Variants in MTARC1 observed in about 807,000 individuals in gnomAD.
MTARC1 encodes mitochondrial amidoxime-reducing component 1.
In MTARC1, 24 loss-of-function variants were observed where a neutral mutation model predicts 33.6. The observed-to-expected ratio is 0.72, with a 90% CI of 0.52 to 1.01. MTARC1 has a LOEUF of 1.01. Ranked by LOEUF, MTARC1 falls within the 50% of genes least tolerant of loss-of-function variation. The pLI, the probability that MTARC1 is intolerant of heterozygous loss-of-function variation, is 0.00. For synonymous variants in MTARC1, 187 were observed against 189.5 expected (o/e 0.99, Z 0.11); for missense variants, 417 against 445.7 (o/e 0.94, Z 0.58).
At chr1:220,810,400 C>T (rs1207346309) in intron 6 of MTARC1, among the ~76,000 whole-genome samples, 1 of 152,156 alleles carries the variant, frequency 6.6e-6, no homozygotes, top group Admixed American at 6.5e-5. Context: ...GTGCAGGAGG[C>T]GGTGAGAGCC....
rs1672675617 is a variant in MTARC1 at position 220,797,983 on chromosome 1, T to C, written c.722T>C (p.Ile241Thr). ...AAAGCAACCAACTTCAGGCCCAATATTGTAATTTCAGGATGCGATGTCTAT... is the reference window on the plus strand; with the variant it reads ...AAAGCAACCAACTTCAGGCCCAATACTGTAATTTCAGGATGCGATGTCTAT... ...KVKATNFRPN[I>T]VISGCDVYAE... Residue 241 changes from isoleucine to threonine, a missense_variant, in exon 4 of 7, where the codon ATT (isoleucine) becomes ACT (threonine). By Grantham distance (89) the Ile-to-Thr change is moderately conservative. Coordinates refer to ENST00000366910, the MANE Select transcript of MTARC1 (RefSeq NM_022746.4). 1 of 1,614,200 alleles carries C rather than the reference T, an allele frequency of 6.2e-7. No individual in the cohort carries two copies. The highest frequency in any genetic ancestry group is 8.5e-7 in the Non-Finnish European group (1 of 1,180,024).
intron 4 of MTARC1, among the ~76,000 whole-genome samples, chr1:220,801,154 C>T (rs530196676): frequency 6.6e-6 from 1 of 152,314 alleles, no homozygotes; most frequent in South Asian, 2.1e-4. Flanking sequence ...ACATGACCTG[C>T]ACCCCGCCAG....
At chr1:220,810,102 A>G (rs1018721157) in intron 6 of MTARC1, among the ~76,000 whole-genome samples, 1 of 152,214 alleles carries the variant, frequency 6.6e-6, no homozygotes, top group Non-Finnish European at 1.5e-5. Flanking sequence ...GCTCATTAGA[A>G]TAGTTATGTT....
intron 4 of MTARC1, among the ~76,000 whole-genome samples, chr1:220,801,619 CAGGAG>C: frequency 6.6e-6 from 1 of 152,218 alleles, no homozygotes; most frequent in South Asian, 2.1e-4. Context: ...TGCTGGGGCT[CAGGAG>C]AGGAGGGGAG....
chr1:220,797,608 T>G (rs758292140), intron 3 of MTARC1, among the ~76,000 whole-genome samples: 10 of 152,262 alleles, frequency 6.6e-5, no homozygotes, highest in African/African-American at 2.4e-4. Flanking sequence ...GGTTCAGTGA[T>G]GTCCCCAAGG....
In MTARC1 at chr1:220,787,040, G is replaced by C; in HGVS notation, c.96G>C (p.Ala32=). The C allele has an allele frequency of 7.3e-7, 1 of 1,379,158 alleles. No homozygotes were observed. Among genetic ancestry groups the C allele is most frequent in the Non-Finnish European group, 9.3e-7 (1 of 1,074,718 alleles). The allele number at this position is 1,379,158 out of a possible 1,614,324, so 85.4% of individuals were successfully genotyped here. A position where few individuals can be genotyped will look rare whatever the true frequency, so the allele number is the denominator to read the frequency against. Residue 32 remains alanine (A), a synonymous_variant, in exon 1 of 7, where the codon GCG becomes GCC. Coordinates refer to ENST00000366910, the MANE Select transcript of MTARC1 (RefSeq NM_022746.4). ...WLGVAALGLT[A]VALGAVAWRR... is the part of the protein sequence containing the mutation. Reference sequence around the variant, plus strand: ...GGGTTGCCGCGCTGGGCCTGACCGCGGTGGCGCTGGGGGCTGTCGCCTGGC... The same window carrying C: ...GGGTTGCCGCGCTGGGCCTGACCGCCGTGGCGCTGGGGGCTGTCGCCTGGC...
rs148639894 is a variant in MTARC1 at position 220,810,318 on chromosome 1, C to A, written c.888-2974C>A. Among the ~76,000 whole-genome samples, 15 of 152,316 alleles carry A rather than the reference C, an allele frequency of 9.8e-5. 1 individual carries two copies. On this transcript the variant is annotated intron_variant, in intron 6 of 6. Transcript: ENST00000366910. ...TGCAATACCTCTTAGTGCCACAAGGCGCCGCTAGTGACCTCGTTGAGTCTT... is the reference window on the plus strand; with the variant it reads ...TGCAATACCTCTTAGTGCCACAAGGAGCCGCTAGTGACCTCGTTGAGTCTT...
At chr1:220,800,648 T>G (rs551592792) in intron 4 of MTARC1, among the ~76,000 whole-genome samples, 100 of 152,084 alleles carry the variant, frequency 6.6e-4, no homozygotes, top group African/African-American at 2.4e-3. Context: ...GACCCCTAAC[T>G]ATATCCTTCT....
intron 6 of MTARC1, among the ~76,000 whole-genome samples, chr1:220,806,775 C>T (rs1672985219): frequency 6.6e-6 from 1 of 152,162 alleles, no homozygotes; most frequent in South Asian, 2.1e-4. Context: ...GAGATAAGTC[C>T]CAGAGTGTGG....
intron 4 of MTARC1, among the ~76,000 whole-genome samples, chr1:220,802,506 AT>A (rs1169756782): frequency 3.3e-5 from 5 of 152,130 alleles, no homozygotes; most frequent in African/African-American, 1.2e-4. Context: ...TAGTTTTTGT[AT>A]TTTTAGTATA....
At chr1:220,808,875 A>C (rs1391604619) in intron 6 of MTARC1, 1 of 471,172 alleles carries the variant, frequency 2.1e-6, no homozygotes, top group Non-Finnish European at 4.4e-6. Context: ...TGACGTACAC[A>C]CTGATCCCCA....
Position 220,805,280 on chromosome 1 carries a change from A to C in MTARC1, c.887+6A>C. ...CCGCTGGAAACACTGAAGAGGTAGGACTGGGCAGACGGGGCTCATCCTCGG... is the reference window on the plus strand; with the variant it reads ...CCGCTGGAAACACTGAAGAGGTAGGCCTGGGCAGACGGGGCTCATCCTCGG... On this transcript the variant is annotated splice_donor_region_variant and intron_variant, in intron 6 of 6. Transcript: ENST00000366910. 1.2e-6 allele frequency: 2 copies of C among 1,612,602 alleles called. No individual in the cohort carries two copies. Among genetic ancestry groups the C allele is most frequent in the Non-Finnish European group, 1.7e-6 (2 of 1,180,000 alleles).
intron 2 of MTARC1, among the ~76,000 whole-genome samples, chr1:220,795,348 G>A (rs1023478352): frequency 1.3e-5 from 2 of 152,156 alleles, no homozygotes; most frequent in Non-Finnish European, 2.9e-5. Flanking sequence ...CTAGTCATTT[G>A]TGGAAATGGA....
rs140174257 is a variant in MTARC1, at chr1:220,810,123, T to G, written c.888-3169T>G. Among the ~76,000 whole-genome samples the G allele has an allele frequency of 3.2e-3, 482 of 152,274 alleles. 1 individual carries two copies. Among genetic ancestry groups the G allele is most frequent in the African/African-American group, 0.011 (462 of 41,546 alleles). On this transcript the variant is annotated intron_variant, in intron 6 of 6. Transcript: ENST00000366910. ...TAGAATAGTTATGTTTCATGTTCAT[T>G]TAAGGAGAAAGTGCACTAAGGAAGA... is the stretch of plus-strand genomic sequence containing the variant.
chr1:220,792,181 G>T (rs1313889107), intron 2 of MTARC1, among the ~76,000 whole-genome samples: 1 of 152,192 alleles, frequency 6.6e-6, no homozygotes, highest in Non-Finnish European at 1.5e-5. Context: ...AGCTAGAAGA[G>T]TGATCCAGCC....
intron 1 of MTARC1, among the ~76,000 whole-genome samples, chr1:220,788,010 A>AG (rs1233755765): frequency 1.5e-4 from 23 of 152,036 alleles, no homozygotes; most frequent in African/African-American, 4.3e-4. Context: ...TCCGAATCAA[A>AG]AAAAGAAAGA....
intron 6 of MTARC1, among the ~76,000 whole-genome samples, chr1:220,807,449 G>A (rs1024817360): frequency 6.6e-6 from 1 of 152,260 alleles, no homozygotes; most frequent in Admixed American, 6.5e-5. Context: ...TGGGCATGGT[G>A]GTGGTCACTT....
At chr1:220,798,076 C>G in intron 4 of MTARC1, 62 bp downstream of exon 4, 1 of 1,613,316 alleles carries the variant, frequency 6.2e-7, no homozygotes, top group Non-Finnish European at 8.5e-7. Flanking sequence ...GTATGAGAGT[C>G]TTTGACATTG....
At chr1:220,799,212 A>G (rs1420494174) in intron 4 of MTARC1, 5 of 973,850 alleles carry the variant, frequency 5.1e-6, no homozygotes, top group African/African-American at 1.8e-5. Context: ...CATATAAAAT[A>G]CTCATTGCTC....
Sources: gnomAD v4.1 joint callset for allele counts (sites outside exome capture counted in the v4.1 genomes callset) on GRCh38, gnomAD v4.1.1 for gene constraint, MANE v1.5 for transcripts, NCBI Gene and HGNC (gene_info 2026-07-23, HGNC 2026-07-21) for gene names.